ADAMTSL1: variants seen among roughly 807,000 people sequenced by gnomAD.
The protein encoded by ADAMTSL1 is ADAMTS-like protein 1.
ADAMTSL1 carries 126 observed loss-of-function variants against 201.8 expected under a neutral mutation model. That is an observed-to-expected ratio of 0.62 (90% CI 0.54 to 0.72). The LOEUF (loss-of-function observed/expected upper bound fraction) is 0.72. Ranked by LOEUF, ADAMTSL1 falls within the 30% of genes least tolerant of loss-of-function variation. The probability of loss-of-function intolerance (pLI) is 0.00; values close to 1 mark genes in which losing one functional copy is unlikely to be tolerated. For synonymous variants in ADAMTSL1, 1,121 were observed against 903.4 expected (o/e 1.24, Z -4.32); for missense variants, 2,679 against 2,277.8 (o/e 1.18, Z -3.59).
At chr9:18,030,800 T>C (rs1820918827) in intron 1 of ADAMTSL1, among the ~76,000 whole-genome samples, 1 of 152,136 alleles carries the variant, frequency 6.6e-6, no homozygotes, top group Admixed American at 6.5e-5. Context: ...GGAATGCCAA[T>C]GAATCATAGG....
chr9:18,778,554 A>C (rs1233217252), intron 19 of ADAMTSL1, among the ~76,000 whole-genome samples: 1 of 152,166 alleles, frequency 6.6e-6, no homozygotes, highest in Non-Finnish European at 1.5e-5. Context: ...TAGAATCAAT[A>C]GTGGTAGTAG....
chr9:18,251,021 G>A (rs560584848), intron 2 of ADAMTSL1, among the ~76,000 whole-genome samples: 2 of 151,926 alleles, frequency 1.3e-5, no homozygotes, highest in African/African-American at 4.8e-5. Flanking sequence ...AAATAGAAGA[G>A]AATGTTAACA....
Position 18,777,065 on chromosome 9 carries a change from A to C in ADAMTSL1, c.2836A>C (p.Thr946Pro). Residue 946 changes from threonine to proline, a missense_variant, in exon 19 of 29, where the codon ACC becomes CCC. Thr to Pro is a conservative substitution (Grantham distance 38). Coordinates refer to ENST00000380548, the MANE Select transcript of ADAMTSL1 (RefSeq NM_001040272.6). ...CAAGCCCTCGGATGCAGGCGTCTAC[A>C]CCTGCTCAGCGGGCCCGGCCCGGGA... The part of the protein sequence containing the change: ...RLKPSDAGVY[T>P]CSAGPAREHF... 1 of 1,613,120 alleles carries C rather than the reference A, an allele frequency of 6.2e-7. No homozygotes were observed. The highest frequency in any genetic ancestry group is 8.5e-7 in the Non-Finnish European group (1 of 1,179,726).
chr9:18,276,057 C>A (rs986567850), intron 2 of ADAMTSL1, among the ~76,000 whole-genome samples: 7 of 152,104 alleles, frequency 4.6e-5, no homozygotes, highest in Admixed American at 2.6e-4. Context: ...TTATCTGATA[C>A]AGGTTTAGCC....
At chr9:17,915,160 C>T (rs895721934) in intron 1 of ADAMTSL1, among the ~76,000 whole-genome samples, 1 of 152,076 alleles carries the variant, frequency 6.6e-6, no homozygotes, top group African/African-American at 2.4e-5. Flanking sequence ...TCCTCATTAC[C>T]CTTTGCAATG....
At position 18,305,585 on chromosome 9, in the gene ADAMTSL1, C is replaced by T. The variant is rs930629441; in HGVS notation, c.207+141604C>T. ...TTTCCCCTCACAGTGTAAACAAAGC[C>T]GCAGGGAAGTTCAGACTGGGCAGAG... On this transcript the variant is annotated intron_variant, in intron 2 of 29. Transcript: ENST00000680146. Among the ~76,000 whole-genome samples the T allele has an allele frequency of 5.9e-5, 9 of 152,260 alleles. No individual in the cohort carries two copies. In the East Asian group the frequency reaches 7.7e-4, roughly 13 times the overall value.
chr9:18,700,514 C>G (rs1240419127), intron 13 of ADAMTSL1, among the ~76,000 whole-genome samples: 1 of 152,096 alleles, frequency 6.6e-6, no homozygotes, highest in African/African-American at 2.4e-5. Flanking sequence ...AAATGTGCAG[C>G]TTAGGTTTAG....
At chr9:18,348,444 C>T (rs1835820153) in intron 2 of ADAMTSL1, among the ~76,000 whole-genome samples, 1 of 152,138 alleles carries the variant, frequency 6.6e-6, no homozygotes, top group African/African-American at 2.4e-5. Flanking sequence ...TTCTCTAAAC[C>T]TCACTAGTGT....
At position 18,614,783 on chromosome 9, in the gene ADAMTSL1, A is replaced by C. The variant is rs959197691; in HGVS notation, c.475-7460A>C. Among the ~76,000 whole-genome samples the C allele has an allele frequency of 1.6e-4, 25 of 152,300 alleles. 1 individual carries two copies. Among genetic ancestry groups the C allele is most frequent in the Admixed American group, 1.6e-3 (25 of 15,292 alleles). On this transcript the variant is annotated intron_variant, in intron 4 of 28. Transcript: ENST00000380548. ...ATGCTCAGTTGATTTGGTCTAATTT[A>C]AGTATAATCAGCAACTTCATGTGTT...
intron 2 of ADAMTSL1, among the ~76,000 whole-genome samples, chr9:18,439,280 C>T (rs1819891013): frequency 6.6e-6 from 1 of 152,222 alleles, no homozygotes; most frequent in Admixed American, 6.5e-5. Context: ...CACTGTAACA[C>T]TGAATTTGCT....
At chr9:18,094,143 T>C (rs1158837508) in intron 1 of ADAMTSL1, among the ~76,000 whole-genome samples, 1 of 152,204 alleles carries the variant, frequency 6.6e-6, no homozygotes, top group Non-Finnish European at 1.5e-5. Context: ...GCTACCATTA[T>C]TGGTTGCCTG....
chr9:18,472,027 C>A (rs1313686194), upstream of ADAMTSL1, among the ~76,000 whole-genome samples: 1 of 152,200 alleles, frequency 6.6e-6, no homozygotes, highest in Non-Finnish European at 1.5e-5. Context: ...ATTACCTATT[C>A]TTCCCTTTGG....
chr9:18,166,217 T>G (rs560528943), intron 2 of ADAMTSL1, among the ~76,000 whole-genome samples: 2 of 152,080 alleles, frequency 1.3e-5, no homozygotes, highest in East Asian at 3.9e-4. Context: ...GGACCTCTGT[T>G]GATTCTCAGG....
At chr9:18,086,730 G>C (rs1016867279) in intron 1 of ADAMTSL1, among the ~76,000 whole-genome samples, 2 of 152,164 alleles carry the variant, frequency 1.3e-5, no homozygotes, top group Admixed American at 1.3e-4. Context: ...GTACAACAAG[G>C]ATGGTTATAA....
intron 1 of ADAMTSL1, among the ~76,000 whole-genome samples, chr9:18,072,836 A>C (rs1823029003): frequency 6.6e-6 from 1 of 152,238 alleles, no homozygotes; most frequent in Admixed American, 6.5e-5. Context: ...ACTGATGTGT[A>C]GAATTAGGCT....
intron 23 of ADAMTSL1, among the ~76,000 whole-genome samples, chr9:18,879,529 ATT>A (rs1196929616): frequency 6.6e-6 from 1 of 152,214 alleles, no homozygotes; most frequent in Non-Finnish European, 1.5e-5. Flanking sequence ...GTCACACAAT[ATT>A]TTTTGTTTCC....
chr9:18,586,582 A>G (rs966353849), intron 4 of ADAMTSL1, among the ~76,000 whole-genome samples: 1 of 152,114 alleles, frequency 6.6e-6, no homozygotes, highest in African/African-American at 2.4e-5. Flanking sequence ...TCACAGAACT[A>G]GAAAAAAAAC....
chr9:18,174,099 CTTATA>C (rs937976162), intron 2 of ADAMTSL1, among the ~76,000 whole-genome samples: 1 of 152,184 alleles, frequency 6.6e-6, no homozygotes, highest in African/African-American at 2.4e-5. Flanking sequence ...AAACATAAGA[CTTATA>C]TTATACCTCA....
At chr9:18,583,224 T>A (rs761156695) in intron 4 of ADAMTSL1, among the ~76,000 whole-genome samples, 6 of 152,190 alleles carry the variant, frequency 3.9e-5, no homozygotes, top group Non-Finnish European at 7.4e-5. Flanking sequence ...ATCCCCATGC[T>A]GTGTGCACCC....
Sources: allele counts gnomAD v4.1 joint callset (sites outside exome capture counted in the v4.1 genomes callset), GRCh38; gene constraint gnomAD v4.1.1; transcripts MANE v1.5; gene names NCBI Gene and HGNC (gene_info 2026-07-23, HGNC 2026-07-21).